Variants in SNX7 observed in about 807,000 individuals in gnomAD.
SNX7 encodes sorting nexin 7.
A neutral mutation model predicts 48.4 loss-of-function variants in SNX7; 35 were observed. The ratio of observed to expected loss-of-function variants is 0.72; its 90% CI spans 0.55 to 0.96. SNX7 has a LOEUF of 0.96. Among genes scored for constraint, SNX7 ranks in the 40% least tolerant of loss-of-function variants. The probability of loss-of-function intolerance (pLI) is 0.00; values close to 1 mark genes in which losing one functional copy is unlikely to be tolerated. For synonymous variants in SNX7, 190 were observed against 190.2 expected, an observed-to-expected ratio of 1.00 and a Z score of 0.01; for missense variants, 553 against 548.9, an observed-to-expected ratio of 1.01 and a Z score of -0.07.
At chr1:98,748,236 T>G (rs1654402004) in intron 8 of SNX7, among the ~76,000 whole-genome samples, 1 of 152,102 alleles carries the variant, frequency 6.6e-6, no homozygotes, top group African/African-American at 2.4e-5. Flanking sequence ...TCTGCCTGCC[T>G]TGGCCTCCCA....
chr1:98,743,214 G>T (rs1323389774), intron 8 of SNX7, among the ~76,000 whole-genome samples: 1 of 151,912 alleles, frequency 6.6e-6, no homozygotes, highest in East Asian at 1.9e-4. Flanking sequence ...AAACACAGGG[G>T]TGGCGTGGCA....
chr1:98,760,306 A>G lies in SNX7; in HGVS notation c.*175A>G. On this transcript the variant is annotated 3_prime_UTR_variant, in exon 9 of 9. Transcript: ENST00000306121. ...GTCACTGACATGAATTTGAAGATAT[A>G]TCTATCTGTATGGATATATATCTAT... The G allele has an allele frequency of 3.4e-6, 2 of 587,288 alleles. No homozygotes were observed. The highest frequency in any genetic ancestry group is 2.8e-5 in the East Asian group (1 of 35,790). 36.4% of individuals were successfully genotyped at this position (587,288 alleles called of 1,614,324 possible).
At chr1:98,686,205 G>A (rs1650788360) in intron 2 of SNX7, among the ~76,000 whole-genome samples, 2 of 152,108 alleles carry the variant, frequency 1.3e-5, no homozygotes, top group African/African-American at 4.8e-5. Context: ...TCCCCTGGCT[G>A]AAATAGTTAT....
rs140458848 is a variant in SNX7, at chr1:98,742,545, A to G, written c.1278+4156A>G. On this transcript the variant is annotated intron_variant, in intron 8 of 8. Transcript: ENST00000306121. ...TCCTTTGCATAGCTTATTTTATAATATAGTTCATTCCTTTGAATAGTTTAT... is the reference window on the plus strand; with the variant it reads ...TCCTTTGCATAGCTTATTTTATAATGTAGTTCATTCCTTTGAATAGTTTAT... Among the ~76,000 whole-genome samples, 130 of 152,240 alleles carry G rather than the reference A, an allele frequency of 8.5e-4. 1 individual carries two copies. The highest frequency in any genetic ancestry group is 6.8e-3 in the Middle Eastern group (2 of 294).
chr1:98,677,797 G>T (rs1650249889), intron 1 of SNX7, among the ~76,000 whole-genome samples: 1 of 150,886 alleles, frequency 6.6e-6, no homozygotes, highest in Non-Finnish European at 1.5e-5. Flanking sequence ...AGAATTGCTT[G>T]AACCCGGGAG....
intron 8 of SNX7, among the ~76,000 whole-genome samples, chr1:98,753,849 T>C (rs915909402): frequency 1.3e-5 from 2 of 152,128 alleles, no homozygotes; most frequent in Admixed American, 1.3e-4. Flanking sequence ...TTTTTAAAGA[T>C]ATACTTTGGC....
chr1:98,739,012 A>C (rs1005230529), intron 8 of SNX7, among the ~76,000 whole-genome samples: 10 of 152,158 alleles, frequency 6.6e-5, no homozygotes, highest in Non-Finnish European at 1.0e-4. Flanking sequence ...GTCTTACAGC[A>C]GTGGTCCCCA....
At chr1:98,729,136 C>G (rs1354979854) in intron 7 of SNX7, among the ~76,000 whole-genome samples, 1 of 152,188 alleles carries the variant, frequency 6.6e-6, no homozygotes, top group Non-Finnish European at 1.5e-5. Context: ...GACTAAGAAG[C>G]TCACTCAAAA....
chr1:98,698,248 G>GT lies in SNX7; in HGVS notation c.839-457dup. 4.6e-5 allele frequency among the ~76,000 whole-genome samples: 7 copies of GT among 152,204 alleles called. 1 individual carries two copies. The highest frequency in any genetic ancestry group is 4.6e-4 in the Admixed American group (7 of 15,274). On this transcript the variant is annotated intron_variant, in intron 5 of 8. Transcript: ENST00000306121. ...GGAATTGGTGATTTACTGGCTCTGT[G>GT]TAAGTATGATTCTAGGATAACCTCC...
chr1:98,684,665 G>T (rs549243619), intron 1 of SNX7, among the ~76,000 whole-genome samples: 1 of 152,064 alleles, frequency 6.6e-6, no homozygotes, highest in Admixed American at 6.6e-5. Flanking sequence ...ATCCTTGAGG[G>T]TTTATACTTT....
chr1:98,737,546 T>C (rs1653846241), intron 7 of SNX7, among the ~76,000 whole-genome samples: 1 of 152,288 alleles, frequency 6.6e-6, no homozygotes, highest in South Asian at 2.1e-4. Context: ...AATATAAAAA[T>C]ACATATATAT....
intron 8 of SNX7, among the ~76,000 whole-genome samples, chr1:98,740,852 T>G (rs764207402): frequency 1.3e-5 from 2 of 152,172 alleles, no homozygotes; most frequent in Non-Finnish European, 2.9e-5. Context: ...AATGTATAAA[T>G]TTGGAGGGAT....
chr1:98,693,019 T>C (rs895117786), intron 4 of SNX7, among the ~76,000 whole-genome samples: 4 of 152,148 alleles, frequency 2.6e-5, no homozygotes, highest in African/African-American at 9.7e-5. Flanking sequence ...CCAAAAAATT[T>C]TCCAGTATAT....
intron 1 of SNX7, among the ~76,000 whole-genome samples, chr1:98,663,528 C>G (rs1375401446): frequency 6.6e-6 from 1 of 151,882 alleles, no homozygotes; most frequent in South Asian, 2.1e-4. Context: ...CAGCGCTATT[C>G]GTTTGCTTAG....
rs1655051594 is a variant in SNX7 at position 98,760,324 on chromosome 1, A to G, written c.*193A>G. On this transcript the variant is annotated 3_prime_UTR_variant, in exon 9 of 9. Coordinates refer to ENST00000306121, the MANE Select transcript of SNX7 (RefSeq NM_015976.5). Reference sequence around the variant, plus strand: ...AAGATATATCTATCTGTATGGATATATATCTATATGTATATAGATATATAA... The same window carrying G: ...AAGATATATCTATCTGTATGGATATGTATCTATATGTATATAGATATATAA... 3 of 552,592 alleles carry G rather than the reference A, an allele frequency of 5.4e-6. No individual in the cohort carries two copies. Among genetic ancestry groups the G allele is most frequent in the Non-Finnish European group, 9.7e-6 (3 of 309,378 alleles). 34.2% of individuals were successfully genotyped at this position (552,592 alleles called of 1,614,324 possible). A position where few individuals can be genotyped will look rare whatever the true frequency, so the allele number is the denominator to read the frequency against.
At chr1:98,695,328 T>C (rs2100963693) in intron 4 of SNX7, among the ~76,000 whole-genome samples, 190 bp from the exon 5 acceptor site, 1 of 152,186 alleles carries the variant, frequency 6.6e-6, no homozygotes, top group Admixed American at 6.5e-5. Context: ...GGGAATATTA[T>C]TGAGGCTGCC....
chr1:98,710,991 T>C (rs1652270768), intron 7 of SNX7, among the ~76,000 whole-genome samples: 1 of 152,176 alleles, frequency 6.6e-6, no homozygotes, highest in Admixed American at 6.5e-5. Flanking sequence ...TAATTCATCA[T>C]AGTGTTATAA....
intron 7 of SNX7, among the ~76,000 whole-genome samples, chr1:98,731,017 G>T (rs1653479548): frequency 6.6e-6 from 1 of 152,060 alleles, no homozygotes; most frequent in South Asian, 2.1e-4. Flanking sequence ...ACTAGCTAAT[G>T]CATACTAGGC....
chr1:98,701,608 GA>G lies in SNX7; in HGVS notation c.1039-201del, dbSNP rs980652394. 4.1e-5 allele frequency among the ~76,000 whole-genome samples: 6 copies of G among 146,246 alleles called. No homozygotes were observed. In the East Asian group the frequency reaches 6.0e-4, roughly 15 times the overall value. On this transcript the variant is annotated intron_variant, in intron 6 of 8. Coordinates refer to ENST00000306121, the MANE Select transcript of SNX7 (RefSeq NM_015976.5). ...AGGAAAACTAATAAAACATTTATAG[GA>G]AAAAAAACCCTCTTAAATACTTGCT...
Sources: allele counts gnomAD v4.1 joint callset (sites outside exome capture counted in the v4.1 genomes callset), GRCh38; gene constraint gnomAD v4.1.1; transcripts MANE v1.5; gene names NCBI Gene and HGNC (gene_info 2026-07-23, HGNC 2026-07-21).